CCDC81: variants seen among roughly 807,000 people sequenced by gnomAD.
CCDC81 encodes coiled-coil domain containing 81, also known as coiled-coil domain-containing protein 81.
In CCDC81, 79 loss-of-function variants were observed where a neutral mutation model predicts 83.7. That is an observed-to-expected ratio of 0.94 (90% CI 0.79 to 1.14). The LOEUF (loss-of-function observed/expected upper bound fraction) is 1.14. Ranked by LOEUF, CCDC81 falls within the 50% of genes most tolerant of loss-of-function variation. The pLI is 0.00. For synonymous variants in CCDC81, 252 were observed against 278.1 expected (o/e 0.91, Z 0.93); for missense variants, 791 against 778.1 (o/e 1.02, Z -0.20).
chr11:86,420,081 C>G, intron 14 of CCDC81, 28 bp downstream of exon 14: 2 of 1,604,688 alleles, frequency 1.2e-6, no homozygotes, highest in Non-Finnish European at 1.7e-6. Context: ...CCCCAAAATT[C>G]TCCTGCTCCT....
chr11:86,407,644 C>T lies in CCDC81; in HGVS notation c.912C>T (p.Asp304=), dbSNP rs1225269051. 1 of 1,613,490 alleles carries T rather than the reference C, an allele frequency of 6.2e-7. No homozygotes were observed. Among genetic ancestry groups the T allele is most frequent in the Non-Finnish European group, 8.5e-7 (1 of 1,179,628 alleles). The change falls in exon 8 of 15, where the codon GAC becomes GAT. Residue 304 remains aspartate (D), a synonymous_variant. Transcript: ENST00000445632. ...SLSYPSCLKH[D]SEMKPQTSPA... is the part of the protein sequence containing the mutation. ...CATATCCAAGTTGTCTGAAACACGA[C>T]AGTGAGATGAAGCCCCAAACATCTC...
At chr11:86,403,733 G>A (rs1426886829) in intron 7 of CCDC81, among the ~76,000 whole-genome samples, 2 of 152,112 alleles carry the variant, frequency 1.3e-5, no homozygotes, top group Non-Finnish European at 2.9e-5. Flanking sequence ...GATGTGTGCT[G>A]TTTTTCTGTT....
chr11:86,422,986 C>T lies in CCDC81; in HGVS notation c.*271C>T. 2.7e-6 allele frequency: 1 copy of T among 368,758 alleles called. No individual in the cohort carries two copies. Among genetic ancestry groups the T allele is most frequent in the Non-Finnish European group, 4.9e-6 (1 of 203,614 alleles). 22.8% of individuals were successfully genotyped at this position (368,758 alleles called of 1,614,324 possible). On this transcript the variant is annotated 3_prime_UTR_variant, in exon 15 of 15. Transcript: ENST00000445632. ...CTGCACAGGGGCTGGGAATGGGATC[C>T]AGCTTCATTATGGCTGCTGGGGTGC... is the stretch of plus-strand genomic sequence containing the variant.
At chr11:86,378,894 G>A (rs930234128) in intron 1 of CCDC81, among the ~76,000 whole-genome samples, 2 of 151,770 alleles carry the variant, frequency 1.3e-5, no homozygotes, top group Non-Finnish European at 2.9e-5. Flanking sequence ...GATATAGTGG[G>A]GTTTTGTTTT....
chr11:86,409,718 G>T (rs1948613039), intron 10 of CCDC81, among the ~76,000 whole-genome samples: 1 of 152,202 alleles, frequency 6.6e-6, no homozygotes, highest in South Asian at 2.1e-4. Context: ...CAAAGTGCTG[G>T]GATTACAAGT....
chr11:86,415,699 G>A (rs1264718958), intron 13 of CCDC81, among the ~76,000 whole-genome samples: 1 of 152,006 alleles, frequency 6.6e-6, no homozygotes, highest in South Asian at 2.1e-4. Context: ...ATTGAGACAG[G>A]GTTTTGCTCT....
chr11:86,395,527 C>T (rs920977820), intron 5 of CCDC81, 114 bp downstream of exon 5: 4 of 737,300 alleles, frequency 5.4e-6, no homozygotes, highest in African/African-American at 5.2e-5. Context: ...TTAATGTATT[C>T]TGTCTGTCTC....
intron 6 of CCDC81, among the ~76,000 whole-genome samples, 164 bp from the exon 7 acceptor site, chr11:86,400,514 G>A (rs574434793): frequency 2.6e-5 from 4 of 152,256 alleles, no homozygotes; most frequent in African/African-American, 4.8e-5. Context: ...CTTTCTTTGC[G>A]AATATACAGC....
intron 7 of CCDC81, among the ~76,000 whole-genome samples, chr11:86,401,198 A>G (rs1023134711): frequency 6.6e-6 from 1 of 152,220 alleles, no homozygotes; most frequent in African/African-American, 2.4e-5. Flanking sequence ...AAACATAGCC[A>G]GCACTCCATT....
chr11:86,407,518 A>T, intron 7 of CCDC81, 96 bp from the exon 8 acceptor site: 1 of 770,118 alleles, frequency 1.3e-6, no homozygotes, highest in Non-Finnish European at 2.2e-6. Context: ...AAACCACTGA[A>T]ATATTTTTCT....
At chr11:86,420,121 C>T in intron 14 of CCDC81, 68 bp downstream of exon 14, 2 of 1,553,240 alleles carry the variant, frequency 1.3e-6, no homozygotes, top group Non-Finnish European at 1.7e-6. Flanking sequence ...TCAAGTGGAA[C>T]TCCACTTGAT....
At position 86,396,145 on chromosome 11, in the gene CCDC81, A is replaced by G. The variant is rs376972947; in HGVS notation, c.635+732A>G. Among the ~76,000 whole-genome samples, 7 of 152,350 alleles carry G rather than the reference A, an allele frequency of 4.6e-5. No homozygotes were observed. In the East Asian group the frequency reaches 1.3e-3, roughly 29 times the overall value. On this transcript the variant is annotated intron_variant, in intron 5 of 14. Transcript: ENST00000445632. ...TAAACGGGTTAAACAGATAAGTTAG[A>G]ATAAGGAAACAGCTTTACTCCATGA...
At position 86,387,588 on chromosome 11, in the gene CCDC81, A is replaced by G. The variant is rs779341400; in HGVS notation, c.214A>G (p.Ile72Val). The G allele has an allele frequency of 4.3e-6, 7 of 1,613,478 alleles. No individual in the cohort carries two copies. Among genetic ancestry groups the G allele is most frequent in the Non-Finnish European group, 5.9e-6 (7 of 1,179,440 alleles). The change falls in exon 3 of 15, where the codon ATC (isoleucine) becomes GTC (valine). Residue 72 changes from isoleucine (I) to valine (V), a missense_variant. By Grantham distance (29) the Ile-to-Val change is conservative (BLOSUM62 3). Coordinates refer to ENST00000445632, the MANE Select transcript of CCDC81 (RefSeq NM_001156474.2). ...GCTTGAGGTGGGAAACAACAAATTT[A>G]TCTTAATCCAGAGGCCTGTGTTTAT... ...QKLEVGNNKF[I>V]LIQRPVFIMV...
intron 14 of CCDC81, among the ~76,000 whole-genome samples, chr11:86,420,528 T>A (rs1379852089): frequency 6.6e-6 from 1 of 152,172 alleles, no homozygotes; most frequent in African/African-American, 2.4e-5. Flanking sequence ...TCAGCTTAAA[T>A]ATTCACATCA....
intron 13 of CCDC81, 70 bp downstream of exon 13, chr11:86,415,383 C>T: frequency 1.7e-6 from 2 of 1,197,082 alleles, no homozygotes; most frequent in Non-Finnish European, 2.4e-6. Context: ...CTCTCTTTTT[C>T]CACCCTGTCC....
chr11:86,409,182 G>T, intron 9 of CCDC81, 79 bp from the exon 10 acceptor site: 1 of 615,632 alleles, frequency 1.6e-6, no homozygotes, highest in Non-Finnish European at 2.6e-6. Context: ...TAATGTAATA[G>T]AATTAAAATT....
rs192298931 is a variant in CCDC81, at chr11:86,385,257, C to T, written c.80-794C>T. On this transcript the variant is annotated intron_variant, in intron 1 of 14. Transcript: ENST00000445632. ...ACAATTAGCCAGGCATGGTGGCTGG[C>T]GCCTGTAATCTCAGCTACTCGGGAG... 3.9e-5 allele frequency among the ~76,000 whole-genome samples: 6 copies of T among 152,044 alleles called. No homozygotes were observed. The South Asian group carries it at 6.2e-4, about 16-fold the overall frequency.
At chr11:86,378,508 T>C (rs140230468) in intron 1 of CCDC81, among the ~76,000 whole-genome samples, 1 of 152,182 alleles carries the variant, frequency 6.6e-6, no homozygotes, top group Non-Finnish European at 1.5e-5. Flanking sequence ...TGCTGTTGAG[T>C]TCAACTATGC....
chr11:86,401,865 A>C (rs1289551196), intron 7 of CCDC81, among the ~76,000 whole-genome samples: 1 of 152,142 alleles, frequency 6.6e-6, no homozygotes, highest in African/African-American at 2.4e-5. Flanking sequence ...GGCCAGGCGC[A>C]GTGGCTCACG....
Sources: allele counts gnomAD v4.1 joint callset (sites outside exome capture counted in the v4.1 genomes callset), GRCh38; gene constraint gnomAD v4.1.1; transcripts MANE v1.5; gene names NCBI Gene and HGNC (gene_info 2026-07-23, HGNC 2026-07-21).